Variants in TOP6BL observed in about 807,000 individuals in gnomAD.
TOP6BL encodes the protein TOP6B like initiator of meiotic double strand breaks.
At chr11:66,758,153 C>G in the TOP6BL span, 2 of 983,972 alleles carry the variant, frequency 2.0e-6, no homozygotes, top group Middle Eastern at 5.2e-4. Context: ...TAAAAAGCCT[C>G]TAGGTAGTTC....
the TOP6BL span, chr11:66,795,853 CT>C: frequency 1.3e-5 from 2 of 153,100 alleles, no homozygotes; most frequent in Non-Finnish European, 2.9e-5. Context: ...AAATAGGTTC[CT>C]TTTAGTGTTT....
At chr11:66,764,135 A>G in the TOP6BL span, among the ~76,000 whole-genome samples, 1 of 152,198 alleles carries the variant, frequency 6.6e-6, no homozygotes, top group Admixed American at 6.5e-5. Flanking sequence ...CCTAGAAAAA[A>G]GGGAATATCA....
the TOP6BL span, among the ~76,000 whole-genome samples, chr11:66,805,985 A>AT: frequency 6.6e-6 from 1 of 152,216 alleles, no homozygotes; most frequent in East Asian, 1.9e-4. Flanking sequence ...GATTTAGGAG[A>AT]TAAAGAAGAT....
chr11:66,808,657 CAAG>C, the TOP6BL span, among the ~76,000 whole-genome samples: 1 of 152,012 alleles, frequency 6.6e-6, no homozygotes, highest in Non-Finnish European at 1.5e-5. Flanking sequence ...ATTGTAGAAT[CAAG>C]AAATATAATA....
At chr11:66,770,169 G>C in the TOP6BL span, among the ~76,000 whole-genome samples, 1 of 152,164 alleles carries the variant, frequency 6.6e-6, no homozygotes, top group Non-Finnish European at 1.5e-5. Flanking sequence ...CTATCTGAAA[G>C]CCAGGAAGAG....
chr11:66,835,380 T>C, the TOP6BL span, among the ~76,000 whole-genome samples: 2 of 152,234 alleles, frequency 1.3e-5, no homozygotes, highest in South Asian at 4.1e-4. Context: ...ACTTGGGAAC[T>C]AAAACTTGTT....
the TOP6BL span, among the ~76,000 whole-genome samples, chr11:66,810,538 G>A: frequency 1.7e-3 from 262 of 152,248 alleles, no homozygotes; most frequent in African/African-American, 6.0e-3. Flanking sequence ...AAGGGGAAAC[G>A]CAGGCTGGAG....
At chr11:66,764,872 G>A in the TOP6BL span, among the ~76,000 whole-genome samples, 1 of 151,940 alleles carries the variant, frequency 6.6e-6, no homozygotes, top group Non-Finnish European at 1.5e-5. Context: ...GGGGGCTGAG[G>A]CAGGAGATCC....
the TOP6BL span, among the ~76,000 whole-genome samples, chr11:66,786,871 T>C: frequency 6.6e-6 from 1 of 152,164 alleles, no homozygotes; most frequent in Non-Finnish European, 1.5e-5. Flanking sequence ...TGAATTAGGT[T>C]TGAAAAACAA....
chr11:66,843,399 C>T, the TOP6BL span: 231 of 1,427,286 alleles, frequency 1.6e-4, no homozygotes, highest in Non-Finnish European at 1.9e-4. Context: ...CGCGGCCTGA[C>T]GTCACCCACA....
the TOP6BL span, among the ~76,000 whole-genome samples, chr11:66,746,882 T>G: frequency 1.3e-5 from 2 of 151,812 alleles, no homozygotes; most frequent in East Asian, 3.9e-4. Context: ...CTGTCCCCTC[T>G]CTCCCCCCAA....
the TOP6BL span, among the ~76,000 whole-genome samples, chr11:66,759,774 G>T: frequency 6.6e-6 from 1 of 152,104 alleles, no homozygotes; most frequent in African/African-American, 2.4e-5. Flanking sequence ...AGTAGAGATG[G>T]GGTTTCACCG....
the TOP6BL span, among the ~76,000 whole-genome samples, chr11:66,835,994 T>C: frequency 6.6e-6 from 1 of 152,192 alleles, no homozygotes; most frequent in African/African-American, 2.4e-5. Flanking sequence ...TCTGCATCAT[T>C]TTACATTCCT....
At chr11:66,823,152 G>T in the TOP6BL span, among the ~76,000 whole-genome samples, 1 of 151,916 alleles carries the variant, frequency 6.6e-6, no homozygotes, top group Non-Finnish European at 1.5e-5. Flanking sequence ...AAATTAGCCA[G>T]TCGTGGTGGC....
At chr11:66,775,781 A>C in the TOP6BL span, among the ~76,000 whole-genome samples, 1 of 152,158 alleles carries the variant, frequency 6.6e-6, no homozygotes, top group Non-Finnish European at 1.5e-5. Context: ...GGGGCTTCCT[A>C]TCCCGCCATC....
chr11:66,795,262 CTAT>C, the TOP6BL span, among the ~76,000 whole-genome samples: 1 of 151,090 alleles, frequency 6.6e-6, no homozygotes, highest in African/African-American at 2.4e-5. Context: ...TGAGTGATAT[CTAT>C]TATTGTTACC....
At chr11:66,820,403 A>T in the TOP6BL span, among the ~76,000 whole-genome samples, 1 of 152,112 alleles carries the variant, frequency 6.6e-6, no homozygotes, top group South Asian at 2.1e-4. Context: ...ATCAAGAAGG[A>T]TTTTCTCCAG....
the TOP6BL span, chr11:66,788,407 T>C: frequency 1.6e-6 from 1 of 636,338 alleles, no homozygotes; most frequent in African/African-American, 1.8e-5. Context: ...CAAACTTGCC[T>C]GTGCAGACAT....
the TOP6BL span, among the ~76,000 whole-genome samples, chr11:66,776,586 G>A: frequency 2.0e-5 from 3 of 150,962 alleles, no homozygotes; most frequent in African/African-American, 4.9e-5. Context: ...CCAAGAGTTC[G>A]AGACCAGCCT....
Sources: gnomAD v4.1 joint callset for allele counts (sites outside exome capture counted in the v4.1 genomes callset) on GRCh38, gnomAD v4.1.1 for gene constraint, MANE v1.5 for transcripts, NCBI Gene and HGNC (gene_info 2026-07-23, HGNC 2026-07-21) for gene names.